NLRP14: variants seen among roughly 807,000 people sequenced by gnomAD.
NLRP14 encodes the protein NLR family pyrin domain containing 14, also known as NACHT, LRR and PYD domains-containing protein 14.
NLRP14 carries 105 observed loss-of-function variants against 94.7 expected under a neutral mutation model. The ratio of observed to expected loss-of-function variants is 1.11; its 90% confidence interval spans 0.95 to 1.30. The LOEUF (loss-of-function observed/expected upper bound fraction) is 1.30. Among genes scored for constraint, NLRP14 ranks in the 50% most tolerant of loss-of-function variants. NLRP14 has a pLI of 0.00. For synonymous variants in NLRP14, 508 were observed against 459.9 expected (o/e 1.10, Z -1.34); for missense variants, 1,362 against 1,254.1 (o/e 1.09, Z -1.30).
intron 6 of NLRP14, among the ~76,000 whole-genome samples, chr11:7,053,597 A>T (rs1175944311): frequency 1.3e-5 from 2 of 151,728 alleles, no homozygotes; most frequent in African/African-American, 2.4e-5. Context: ...TGGTCTAAAA[A>T]GCCATCATTT....
Position 7,062,503 on chromosome 11 carries a change from G to A in NLRP14, c.2975G>A (p.Gly992Glu). 1 of 1,612,414 alleles carries A rather than the reference G, an allele frequency of 6.2e-7. No homozygotes were observed. The change falls in exon 10 of 12, where the codon GGG becomes GAG. Residue 992 changes from glycine to glutamate, a missense_variant and splice_region_variant. Coordinates refer to ENST00000299481, the MANE Select transcript of NLRP14 (RefSeq NM_176822.4). ...RYPNCNIQRL[G>E]LEYCGLTSLC... Reference sequence around the variant, plus strand: ...CCAAACTGTAACATTCAGAGGCTCGGGTGAGTTCATAGTTTTCCATTAGGA... The same window carrying A: ...CCAAACTGTAACATTCAGAGGCTCGAGTGAGTTCATAGTTTTCCATTAGGA...
At chr11:7,054,075 G>A (rs991313399) in intron 6 of NLRP14, among the ~76,000 whole-genome samples, 1 of 151,976 alleles carries the variant, frequency 6.6e-6, no homozygotes, top group Non-Finnish European at 1.5e-5. Context: ...TTCTGTGCCT[G>A]GCTTATTTCA....
chr11:7,086,772 A>C, the NLRP14 span, among the ~76,000 whole-genome samples: 1 of 152,180 alleles, frequency 6.6e-6, no homozygotes, highest in Non-Finnish European at 1.5e-5. Context: ...AATAAAGGAA[A>C]ATCTGGAGTT....
At chr11:7,089,550 G>A in the NLRP14 span, 1 of 1,200,562 alleles carries the variant, frequency 8.3e-7, no homozygotes, top group Non-Finnish European at 1.0e-6. Flanking sequence ...GCCCTCCAGG[G>A]CCCCGATGCC....
At chr11:7,044,459 C>T (rs375318367) in intron 4 of NLRP14, among the ~76,000 whole-genome samples, 7 of 152,276 alleles carry the variant, frequency 4.6e-5, no homozygotes, top group African/African-American at 1.4e-4. Flanking sequence ...TGACCTAGCT[C>T]GCTTTCTCTA....
At chr11:7,030,498 A>C (rs1356814072) in intron 1 of NLRP14, among the ~76,000 whole-genome samples, 2 of 152,140 alleles carry the variant, frequency 1.3e-5, no homozygotes, top group Non-Finnish European at 2.9e-5. Context: ...TGCTATTCAA[A>C]GAGAAATAGG....
rs370253823 is a variant in NLRP14 at position 7,047,763 on chromosome 11, C to CTTTTTTTTT, written c.2123+935_2123+936insTTTTTTTTT. 2.4e-5 allele frequency among the ~76,000 whole-genome samples: 3 copies of CTTTTTTTTT among 123,842 alleles called. 1 individual carries two copies. The allele number at this position is 123,842 out of a possible 152,430, so 81.2% of individuals were successfully genotyped here. On this transcript the variant is annotated intron_variant, in intron 5 of 11. Coordinates refer to ENST00000299481, the MANE Select transcript of NLRP14 (RefSeq NM_176822.4). ...AATTTATCTTCTTTCTCTTTCTTTT[C>CTTTTTTTTT]TTTTCTTTTTTTTTTTTGAGACAGT... is the stretch of plus-strand genomic sequence containing the variant.
intron 10 of NLRP14, among the ~76,000 whole-genome samples, chr11:7,063,585 G>T (rs1002874714): frequency 3.7e-4 from 57 of 152,028 alleles, no homozygotes; most frequent in Admixed American, 3.4e-3. Flanking sequence ...ACCTATGGAA[G>T]AATATCTCCC....
At chr11:7,090,249 G>T in the NLRP14 span, 1 of 1,609,620 alleles carries the variant, frequency 6.2e-7, no homozygotes, top group Non-Finnish European at 8.5e-7. Flanking sequence ...CAGGGGCGGA[G>T]GCCGTCTAGG....
chr11:7,075,050 C>A (rs1206551023), downstream of NLRP14, among the ~76,000 whole-genome samples: 2 of 152,078 alleles, frequency 1.3e-5, no homozygotes, highest in Non-Finnish European at 2.9e-5. Context: ...GGGCTGGTTT[C>A]TGTTTAGCCT....
intron 9 of NLRP14, 40 bp from the exon 10 acceptor site, chr11:7,062,293 A>G (rs921840481): frequency 2.9e-5 from 45 of 1,561,516 alleles, no homozygotes; most frequent in Non-Finnish European, 3.7e-5. Context: ...ATTTAACCTC[A>G]CAATGGAAGG....
At chr11:7,088,464 T>C in the NLRP14 span, among the ~76,000 whole-genome samples, 1 of 152,176 alleles carries the variant, frequency 6.6e-6, no homozygotes. Context: ...ACTCTTAATG[T>C]GCTAAGTGTC....
the NLRP14 span, chr11:7,089,074 G>A: frequency 1.8e-5 from 29 of 1,588,572 alleles, no homozygotes; most frequent in Middle Eastern, 1.7e-4. Context: ...GACTGGCGCC[G>A]CCTCACCGCC....
intron 7 of NLRP14, 99 bp downstream of exon 7, chr11:7,057,946 C>A: frequency 1.0e-6 from 1 of 969,020 alleles, no homozygotes; most frequent in Non-Finnish European, 1.7e-6. Context: ...TTGGCACTAA[C>A]TGGCTCGTTT....
At chr11:7,089,711 G>GCCGCTGCCCCCGCGCCGCGAC in the NLRP14 span, 6 of 1,525,280 alleles carry the variant, frequency 3.9e-6, no homozygotes, top group Non-Finnish European at 5.3e-6. Flanking sequence ...CGCGCCGGGA[G>GCCGCTGCCCCCGCGCCGCGAC]CCGCTGCCCC....
intron 2 of NLRP14, among the ~76,000 whole-genome samples, chr11:7,039,337 G>A (rs1043095482): frequency 4.1e-5 from 6 of 147,506 alleles, no homozygotes; most frequent in East Asian, 4.0e-4. Flanking sequence ...AATTCCTTAC[G>A]CGTATACAAG....
chr11:7,023,663 G>A (rs1851976355), intron 1 of NLRP14, among the ~76,000 whole-genome samples: 1 of 151,720 alleles, frequency 6.6e-6, no homozygotes, highest in African/African-American at 2.4e-5. Context: ...TAAATAACTT[G>A]AGACTGGATA....
At chr11:7,079,433 G>A in the NLRP14 span, among the ~76,000 whole-genome samples, 1 of 152,152 alleles carries the variant, frequency 6.6e-6, no homozygotes, top group Admixed American at 6.5e-5. Context: ...GGAATAAAAA[G>A]TAATCGTTCT....
intron 3 of NLRP14, 50 bp from the exon 4 acceptor site, chr11:7,042,338 T>C: frequency 6.7e-7 from 1 of 1,493,916 alleles, no homozygotes; most frequent in Non-Finnish European, 9.3e-7. Context: ...GAATTTGTTT[T>C]GATCATGTGT....
Sources: gnomAD v4.1 joint callset for allele counts (sites outside exome capture counted in the v4.1 genomes callset) on GRCh38, gnomAD v4.1.1 for gene constraint, MANE v1.5 for transcripts, NCBI Gene and HGNC (gene_info 2026-07-23, HGNC 2026-07-21) for gene names.